Variants in IRS1 observed in about 807,000 individuals in gnomAD.
The protein encoded by IRS1 is insulin receptor substrate 1.
In IRS1, 34 loss-of-function variants were observed where a neutral mutation model predicts 65.6. The observed-to-expected ratio is 0.52, with a 90% CI of 0.39 to 0.69. The LOEUF (loss-of-function observed/expected upper bound fraction) is 0.69. Ranked by LOEUF, IRS1 falls within the 30% of genes least tolerant of loss-of-function variation. The probability of loss-of-function intolerance (pLI) is 0.00; values close to 1 mark genes in which losing one functional copy is unlikely to be tolerated. For synonymous variants in IRS1, 699 were observed against 683.5 expected (o/e 1.02, Z -0.35); for missense variants, 1,641 against 1,720.2 (o/e 0.95, Z 0.81).
intron 1 of IRS1, among the ~76,000 whole-genome samples, chr2:226,762,320 A>T (rs978930066): frequency 2.6e-5 from 4 of 151,052 alleles, no homozygotes; most frequent in African/African-American, 9.8e-5. Flanking sequence ...ACCTCTTGAG[A>T]TATTACTATC....
At chr2:226,788,923 T>C (rs1472083478) in intron 1 of IRS1, among the ~76,000 whole-genome samples, 3 of 152,128 alleles carry the variant, frequency 2.0e-5, no homozygotes, top group African/African-American at 4.8e-5. Context: ...TAATTATAAA[T>C]GTGGTAGAGG....
Position 226,796,505 on chromosome 2 carries a change from C to T in IRS1, c.2234G>A (p.Ser745Asn). The T allele has an allele frequency of 6.2e-7, 1 of 1,613,942 alleles. No individual in the cohort carries two copies. The highest frequency in any genetic ancestry group is 8.5e-7 in the Non-Finnish European group (1 of 1,180,032). The change falls in exon 1 of 2, where the codon AGC becomes AAC. Residue 745 changes from serine (S) to asparagine (N), a missense_variant. Around this residue, in one of 3 missense-constraint regions of IRS1, gnomAD observed 1,324 missense variants for 1,361.0 expected, o/e 0.97. Coordinates refer to ENST00000305123, the MANE Select transcript of IRS1 (RefSeq NM_005544.3). ...MSPVGDSNTS[S>N]PSDCYYGPED... Reference sequence around the variant, plus strand: ...AGGGCCGTAGTAGCAGTCGGAGGGGCTGCTGGTGTTGGAGTCCCCCACTGG... The same window carrying T: ...AGGGCCGTAGTAGCAGTCGGAGGGGTTGCTGGTGTTGGAGTCCCCCACTGG...
chr2:226,775,240 C>A (rs1186020225), intron 1 of IRS1, among the ~76,000 whole-genome samples: 1 of 152,150 alleles, frequency 6.6e-6, no homozygotes, highest in Non-Finnish European at 1.5e-5. Context: ...ATGAGGGGAA[C>A]CTATAAGACT....
chr2:226,785,000 G>C (rs959253061), intron 1 of IRS1, among the ~76,000 whole-genome samples: 12 of 152,164 alleles, frequency 7.9e-5, no homozygotes, highest in Admixed American at 1.3e-4. Context: ...GACATCACTA[G>C]TGTAAATAAA....
intron 1 of IRS1, among the ~76,000 whole-genome samples, chr2:226,775,272 GAAGC>G (rs1939247441): frequency 6.6e-6 from 1 of 152,232 alleles, no homozygotes; most frequent in Admixed American, 6.5e-5. Flanking sequence ...AAACTTGACA[GAAGC>G]ATTGTACTCT....
intron 1 of IRS1, among the ~76,000 whole-genome samples, chr2:226,739,553 T>C (rs933822691): frequency 4.6e-5 from 7 of 152,218 alleles, no homozygotes; most frequent in African/African-American, 1.7e-4. Context: ...ATAATGGGAC[T>C]GATTAAGCTG....
intron 1 of IRS1, among the ~76,000 whole-genome samples, chr2:226,772,917 C>T (rs1939192175): frequency 2.0e-5 from 3 of 152,166 alleles, no homozygotes; most frequent in Admixed American, 2.0e-4. Flanking sequence ...ATCTTCTGAT[C>T]TTCAGCTGTC....
At chr2:226,756,956 G>A (rs55939806) in intron 1 of IRS1, among the ~76,000 whole-genome samples, 5,668 of 142,982 alleles carry the variant, frequency 0.04, 165 homozygotes, top group African/African-American at 0.079. Flanking sequence ...GTGAGACTCC[G>A]TCTAATAAAT....
chr2:226,787,819 C>T (rs1939514407), intron 1 of IRS1, among the ~76,000 whole-genome samples: 1 of 152,084 alleles, frequency 6.6e-6, no homozygotes, highest in African/African-American at 2.4e-5. Context: ...TGAATAGGGA[C>T]ATGATGATTG....
In IRS1 at chr2:226,798,476, G is replaced by T; in HGVS notation, c.263C>A (p.Thr88Asn). The T allele has an allele frequency of 1.2e-6, 2 of 1,614,140 alleles. No homozygotes were observed. The highest frequency in any genetic ancestry group is 1.7e-6 in the Non-Finnish European group (2 of 1,180,026). The change falls in exon 1 of 2, where the codon ACC becomes AAC. Residue 88 changes from threonine (T) to asparagine (N), a missense_variant. Around this residue, in one of 3 missense-constraint regions of IRS1, gnomAD observed 240 missense variants for 229.6 expected, o/e 1.05. Transcript: ENST00000305123. The surrounding 1 kb of genome is among the most constrained non-coding windows in gnomAD (Gnocchi z 9.4). Reference sequence around the variant, plus strand: ...CGCGATGGCAAAGTGCTCGTCCCGGGTGTAGAGAGCCACCAGGTGCTTGTT... The same window carrying T: ...CGCGATGGCAAAGTGCTCGTCCCGGTTGTAGAGAGCCACCAGGTGCTTGTT... ...SKNKHLVALY[T>N]RDEHFAIAAD...
intron 1 of IRS1, among the ~76,000 whole-genome samples, chr2:226,754,879 G>GT (rs141827313): frequency 0.019 from 2,876 of 152,224 alleles, 45 homozygotes; most frequent in Non-Finnish European, 0.029. Flanking sequence ...ATAAAAGCAC[G>GT]TTTTTATCTC....
In IRS1 at chr2:226,795,337, G is replaced by A; in HGVS notation, c.3402C>T (p.Ser1134=). 1 of 1,613,234 alleles carries A rather than the reference G, an allele frequency of 6.2e-7. No homozygotes were observed. The highest frequency in any genetic ancestry group is 8.5e-7 in the Non-Finnish European group (1 of 1,179,978). ...AVGGGGGSSS[S]SEDVKRHSSA... is the part of the protein sequence containing the mutation. ...AGCTGTGGCGTTTCACATCCTCGCT[G>A]CTGCTGCTGCTACCGCCACCGCCCC... The change falls in exon 1 of 2, where the codon AGC becomes AGT. Residue 1134 remains serine (S), a synonymous_variant. Transcript: ENST00000305123.
chr2:226,760,493 C>T (rs745350678), intron 1 of IRS1, among the ~76,000 whole-genome samples: 14 of 152,194 alleles, frequency 9.2e-5, no homozygotes, highest in Non-Finnish European at 1.5e-4. Flanking sequence ...CAAATACATG[C>T]GGTCATAATT....
At chr2:226,769,166 C>T (rs1390834330) in intron 1 of IRS1, among the ~76,000 whole-genome samples, 1 of 152,176 alleles carries the variant, frequency 6.6e-6, no homozygotes, top group African/African-American at 2.4e-5. Context: ...CCACTATCAC[C>T]GAATCACTCT....
chr2:226,796,606 C>T lies in IRS1; in HGVS notation c.2133G>A (p.Leu711=), dbSNP rs1156249896. 6.2e-7 allele frequency: 1 copy of T among 1,614,024 alleles called. No individual in the cohort carries two copies. The highest frequency in any genetic ancestry group is 2.2e-5 in the East Asian group (1 of 44,872). ...NGVGGHHSHV[L]PHPKPPVESS... ...TCTCCACTGGGGGTTTGGGGTGAGG[C>T]AAGACATGAGAGTGGTGGCCCCCTA... The change falls in exon 1 of 2, where the codon TTG becomes TTA. Residue 711 remains leucine (L), a synonymous_variant. Coordinates refer to ENST00000305123, the MANE Select transcript of IRS1 (RefSeq NM_005544.3).
chr2:226,737,031 T>C (rs1574637040), intron 1 of IRS1, among the ~76,000 whole-genome samples: 1 of 151,736 alleles, frequency 6.6e-6, no homozygotes, highest in East Asian at 1.9e-4. Context: ...CATGCTGGTG[T>C]GCTGCACCCA....
At chr2:226,741,649 C>G (rs566446028) in intron 1 of IRS1, among the ~76,000 whole-genome samples, 1 of 152,186 alleles carries the variant, frequency 6.6e-6, no homozygotes, top group African/African-American at 2.4e-5. Context: ...CACAATTCTT[C>G]AGTTACCTCA....
At position 226,795,725 on chromosome 2, in the gene IRS1, G is replaced by A. The variant is rs373248004; in HGVS notation, c.3014C>T (p.Ser1005Leu). 7.5e-5 allele frequency: 121 copies of A among 1,613,266 alleles called. No homozygotes were observed. Among genetic ancestry groups the A allele is most frequent in the South Asian group, 1.1e-4 (10 of 91,092 alleles). The change falls in exon 1 of 2, where the codon TCG becomes TTG. Residue 1005 changes from serine to leucine, a missense_variant. Ser to Leu is a moderately radical substitution (Grantham distance 145, BLOSUM62 -2). Coordinates refer to ENST00000305123, the MANE Select transcript of IRS1 (RefSeq NM_005544.3). ...AGCATAGCTTACAGGGGCAGCTGGC[G>A]AGGTGTCCACGTAGCTCTGACGGGG... ...SCPRQSYVDTSPAAPVSYADM... is the reference protein window; with the variant it reads ...SCPRQSYVDTLPAAPVSYADM...
intron 1 of IRS1, among the ~76,000 whole-genome samples, chr2:226,762,766 A>G (rs1938942498): frequency 1.3e-5 from 2 of 152,198 alleles, no homozygotes; most frequent in Admixed American, 6.5e-5. Flanking sequence ...CTGTAATAAC[A>G]TTTGCACCAG....
Sources: gnomAD v4.1 joint callset for allele counts (sites outside exome capture counted in the v4.1 genomes callset) on GRCh38, gnomAD v4.1.1 for gene constraint, gnomAD v4.1.1 regional missense constraint, Gnocchi (gnomAD v3.1) non-coding constraint, MANE v1.5 for transcripts, NCBI Gene and HGNC (gene_info 2026-07-23, HGNC 2026-07-21) for gene names.